The following FLG variants were observed in gnomAD, a reference collection of about 807,000 sequenced individuals.
FLG encodes filaggrin.
A neutral mutation model predicts 3.8 loss-of-function variants in FLG; 6 were observed. That is an observed-to-expected ratio of 1.60 (90% CI 0.87 to 3.15). The LOEUF (loss-of-function observed/expected upper bound fraction) is 3.15. Among genes scored for constraint, FLG ranks in the 30% most tolerant of loss-of-function variants. The pLI, the probability that FLG is intolerant of heterozygous loss-of-function variation, is 0.00. For missense variants in FLG, 7,595 were observed against 5,050.9 expected (o/e 1.50, Z -15.27); for synonymous variants, 2,551 against 1,931.6 (o/e 1.32, Z -8.41).
rs1277310700 is a variant in FLG at position 152,309,053 on chromosome 1, A to G, written c.5833T>C (p.Ser1945Pro). The change falls in exon 3 of 3, where the codon TCT becomes CCT. Residue 1945 changes from serine (S) to proline (P), a missense_variant. Ser to Pro is a moderately conservative substitution (Grantham distance 74). Coordinates refer to ENST00000368799, the MANE Select transcript of FLG (RefSeq NM_002016.2). ...CCATCTCTTGACTGCTCCCAAGCAG[A>G]TCCAAGATGGTTTCTGGAAGCAGAC... The part of the protein sequence containing the change: ...SGSASRNHLG[S>P]AWEQSRDGSR... 1 of 1,614,080 alleles carries G rather than the reference A, an allele frequency of 6.2e-7. No homozygotes were observed. The highest frequency in any genetic ancestry group is 1.7e-5 in the Admixed American group (1 of 60,028).
rs761694075 is a variant in FLG, at chr1:152,312,954, G to A, written c.1932C>T (p.Asn644=). 2.5e-6 allele frequency: 4 copies of A among 1,613,990 alleles called. No individual in the cohort carries two copies. The highest frequency in any genetic ancestry group is 3.4e-6 in the Non-Finnish European group (4 of 1,179,996). The change falls in exon 3 of 3, where the codon AAC becomes AAT. Residue 644 remains asparagine, a synonymous_variant. Transcript: ENST00000368799. The part of the protein sequence containing the change: ...SERWSGSASR[N]HHGSAQEQSR... ...ACTGCTCCTGAGCAGATCCATGATG[G>A]TTTCTGGAAGCAGACCCAGACCACC... is the stretch of plus-strand genomic sequence containing the variant.
chr1:152,308,870 CAT>C lies in FLG; in HGVS notation c.6014_6015del (p.His2005ArgfsTer37), dbSNP rs1314484669. ...EQARSSAGERHGSHHQLQSAD... is the reference protein window; with the variant it reads ...EQARSSAGERXGSHHQLQSAD... ...GCTGACTGGAGCTGGTGGTGGGATC[CAT>C]GTCTTTCTCCTGCACTTGATCTTGC... On this transcript the variant is annotated frameshift_variant, in exon 3 of 3. Transcript: ENST00000368799. LOFTEE classifies it low-confidence loss of function (END_TRUNC). 1 of 1,614,052 alleles carries C rather than the reference CAT, an allele frequency of 6.2e-7. No individual in the cohort carries two copies. Among genetic ancestry groups the C allele is most frequent in the African/African-American group, 1.3e-5 (1 of 74,940 alleles).
chr1:152,310,775 A>C lies in FLG; in HGVS notation c.4111T>G (p.Ser1371Ala), dbSNP rs1208433931. 4 of 1,613,746 alleles carry C rather than the reference A, an allele frequency of 2.5e-6. No individual in the cohort carries two copies. The highest frequency in any genetic ancestry group is 3.4e-6 in the Non-Finnish European group (4 of 1,179,926). Residue 1371 changes from serine to alanine, a missense_variant, in exon 3 of 3, where the codon TCA becomes GCA. Coordinates refer to ENST00000368799, the MANE Select transcript of FLG (RefSeq NM_002016.2). ...HQQSADSSRH[S>A]GIGHRQASSA... ...GAAGCTTGTCTGTGCCCAATGCCTGAGTGTCTGGAGCTGTCTGCTGACTGC... is the reference window on the plus strand; with the variant it reads ...GAAGCTTGTCTGTGCCCAATGCCTGCGTGTCTGGAGCTGTCTGCTGACTGC...
At chr1:152,321,908 T>C (rs952904943) in intron 1 of FLG, among the ~76,000 whole-genome samples, 1 of 151,148 alleles carries the variant, frequency 6.6e-6, no homozygotes, top group Non-Finnish European at 1.5e-5. Context: ...AAGAATATAA[T>C]AGCAGACTGA....
At position 152,311,448 on chromosome 1, in the gene FLG, G is replaced by T. The variant is rs769215947; in HGVS notation, c.3438C>A (p.His1146Gln). The change falls in exon 3 of 3, where the codon CAC becomes CAA. Residue 1146 changes from histidine to glutamine, a missense_variant. By Grantham distance (24) the His-to-Gln change is conservative. Coordinates refer to ENST00000368799, the MANE Select transcript of FLG (RefSeq NM_002016.2). ...TSTGRRQGSHHEQARDSSRHS... is the reference protein window; with the variant it reads ...TSTGRRQGSHQEQARDSSRHS... ...GCCTGGAGCTGTCTCGTGCCTGCTCGTGGTGGGATCCTTGTCTTCGTCCAG... is the reference window on the plus strand; with the variant it reads ...GCCTGGAGCTGTCTCGTGCCTGCTCTTGGTGGGATCCTTGTCTTCGTCCAG... The T allele has an allele frequency of 6.2e-6, 10 of 1,613,710 alleles. No individual in the cohort carries two copies. The highest frequency in any genetic ancestry group is 1.3e-5 in the African/African-American group (1 of 74,830).
In FLG at chr1:152,309,891, C is replaced by T. The variant is rs1307975895; in HGVS notation, c.4995G>A (p.Gln1665=). 1 of 1,614,122 alleles carries T rather than the reference C, an allele frequency of 6.2e-7. No individual in the cohort carries two copies. Among genetic ancestry groups the T allele is most frequent in the South Asian group, 1.1e-5 (1 of 91,072 alleles). ...TTGCCTGTTCCTGGGATGATGCAGC[C>T]TGTCCACCAGAGGAAGTCTCTGCAT... ...TRHAETSSGG[Q]AASSQEQARS... Residue 1665 remains glutamine (Q), a synonymous_variant, in exon 3 of 3, where the codon CAG becomes CAA. Transcript: ENST00000368799.
chr1:152,307,447 T>A lies in FLG; in HGVS notation c.7439A>T (p.Gln2480Leu). 6.2e-7 allele frequency: 1 copy of A among 1,613,206 alleles called. No individual in the cohort carries two copies. The highest frequency in any genetic ancestry group is 1.1e-5 in the South Asian group (1 of 90,996). ...TGAGTGTCCAGATCTATCTACCAAT[T>A]GCTCGTAGTGGGATCCCTGCCTTCC... ...SGGRQGSHYEQLVDRSGHSGS... is the reference protein window; with the variant it reads ...SGGRQGSHYELLVDRSGHSGS... Residue 2480 changes from glutamine (Q) to leucine (L), a missense_variant, in exon 3 of 3, where the codon CAA becomes CTA. Transcript: ENST00000368799.
chr1:152,321,900 G>C (rs933967492), intron 1 of FLG, among the ~76,000 whole-genome samples: 3 of 151,072 alleles, frequency 2.0e-5, no homozygotes, highest in African/African-American at 7.3e-5. Context: ...AACTCTGAAA[G>C]AATATAATAG....
In FLG at chr1:152,311,087, C is replaced by A; in HGVS notation, c.3799G>T (p.Gly1267Ter). ...TCACTGTCCTGGCTAACACTGGATC[C>A]CTGGTGCCTGCTTGTCCTGGACCCC... ...SSGSRTSRHQ[G>*]SSVSQDSDSE... Residue 1267 changes from glycine to a stop codon, truncating the protein, a stop_gained, in exon 3 of 3, where the codon GGA becomes TGA. Coordinates refer to ENST00000368799, the MANE Select transcript of FLG (RefSeq NM_002016.2). LOFTEE classifies it low-confidence loss of function (END_TRUNC). The A allele has an allele frequency of 6.2e-7, 1 of 1,613,874 alleles. No homozygotes were observed. The highest frequency in any genetic ancestry group is 8.5e-7 in the Non-Finnish European group (1 of 1,179,966).
rs767453412 is a variant in FLG, at chr1:152,309,906, A to T, written c.4980T>A (p.Thr1660=). 1 of 1,614,056 alleles carries T rather than the reference A, an allele frequency of 6.2e-7. No homozygotes were observed. Among genetic ancestry groups the T allele is most frequent in the Non-Finnish European group, 8.5e-7 (1 of 1,180,022 alleles). The change falls in exon 3 of 3, where the codon ACT becomes ACA. Residue 1660 remains threonine, a synonymous_variant. Transcript: ENST00000368799. ...SRQSGTRHAE[T]SSGGQAASSQ... ...ATGATGCAGCCTGTCCACCAGAGGA[A>T]GTCTCTGCATGACGAGTGCCTGATT...
chr1:152,313,324 C>T lies in FLG; in HGVS notation c.1562G>A (p.Gly521Glu), dbSNP rs1652594467. Residue 521 changes from glycine (G) to glutamate (E), a missense_variant, in exon 3 of 3, where the codon GGG becomes GAG. Coordinates refer to ENST00000368799, the MANE Select transcript of FLG (RefSeq NM_002016.2). ...TCCCTGCCTTCCTCCTCTGCTTGAC[C>T]CCGGGTGTCCACGAATGGTGTCCTG... ...EGQDTIRGHP[G>E]SSRGGRQGSH... 1 of 1,613,628 alleles carries T rather than the reference C, an allele frequency of 6.2e-7. No homozygotes were observed. Among genetic ancestry groups the T allele is most frequent in the Non-Finnish European group, 8.5e-7 (1 of 1,179,952 alleles).
rs878948702 is a variant in FLG, at chr1:152,305,030, G to A, written c.9856C>T (p.Gln3286Ter). ...GCCTGTTCATGGGATGATGCAGCCTGTCCACCAGAGGAAGTCTCTGCGTGA... is the reference window on the plus strand; with the variant it reads ...GCCTGTTCATGGGATGATGCAGCCTATCCACCAGAGGAAGTCTCTGCGTGA... ...TRHAETSSGG[Q>*]AASSHEQARS... Residue 3286 changes from glutamine to a stop codon, truncating the protein, a stop_gained, in exon 3 of 3, where the codon CAG (glutamine) becomes TAG (stop). Coordinates refer to ENST00000368799, the MANE Select transcript of FLG (RefSeq NM_002016.2). LOFTEE classifies it low-confidence loss of function (END_TRUNC). 1.2e-6 allele frequency: 2 copies of A among 1,613,980 alleles called. No homozygotes were observed. The highest frequency in any genetic ancestry group is 1.1e-5 in the South Asian group (1 of 91,026).
intron 1 of FLG, 38 bp from the exon 2 acceptor site, chr1:152,315,515 C>CT (rs1197589844): frequency 1.6e-5 from 23 of 1,470,910 alleles, no homozygotes; most frequent in Non-Finnish European, 2.1e-5. Context: ...TTTTATACAT[C>CT]TTTTTTTCTA....
rs199768206 is a variant in FLG, at chr1:152,308,117, C to A, written c.6769G>T (p.Glu2257Ter). Reference sequence around the variant, plus strand: ...CTGGACGCAGACCCAGACCGCCTCTCAGAATCTTCTGAGTGTCCCTCACTG... The same window carrying A: ...CTGGACGCAGACCCAGACCGCCTCTAAGAATCTTCTGAGTGTCCCTCACTG... ...SDSEGHSEDSERRSGSASRNH... is the reference protein window; with the variant it reads ...SDSEGHSEDS Residue 2257 changes from glutamate to a stop codon, truncating the protein, a stop_gained, in exon 3 of 3, where the codon GAG becomes TAG. Transcript: ENST00000368799. LOFTEE classifies it low-confidence loss of function (END_TRUNC). The A allele has an allele frequency of 2.8e-5, 45 of 1,613,952 alleles. No homozygotes were observed. Among genetic ancestry groups the A allele is most frequent in the Non-Finnish European group, 3.6e-5 (43 of 1,180,018 alleles).
At position 152,309,776 on chromosome 1, in the gene FLG, A is replaced by T. The variant is rs773467871; in HGVS notation, c.5110T>A (p.Ser1704Thr). Residue 1704 changes from serine (S) to threonine (T), a missense_variant, in exon 3 of 3, where the codon TCT (serine) becomes ACT (threonine). Coordinates refer to ENST00000368799, the MANE Select transcript of FLG (RefSeq NM_002016.2). The part of the protein sequence containing the change: ...DSGTGRRQDS[S>T]VVGDSGNRGS... ...CGGTTTCCACTGTCTCCGACTACAG[A>T]TGAATCTTGTCTGCGCCCAGTGCCT... 3.7e-6 allele frequency: 6 copies of T among 1,613,040 alleles called. No homozygotes were observed. Among genetic ancestry groups the T allele is most frequent in the Middle Eastern group, 1.7e-4 (1 of 6,052 alleles).
chr1:152,308,891 A>C lies in FLG; in HGVS notation c.5995T>G (p.Ser1999Ala). The C allele has an allele frequency of 6.2e-7, 1 of 1,613,938 alleles. No homozygotes were observed. Among genetic ancestry groups the C allele is most frequent in the South Asian group, 1.1e-5 (1 of 91,076 alleles). Residue 1999 changes from serine (S) to alanine (A), a missense_variant, in exon 3 of 3, where the codon TCA (serine) becomes GCA (alanine). Physicochemically the swap from Ser to Ala is moderately conservative, Grantham distance 99. Coordinates refer to ENST00000368799, the MANE Select transcript of FLG (RefSeq NM_002016.2). Reference sequence around the variant, plus strand: ...GATCCATGTCTTTCTCCTGCACTTGATCTTGCCTGTTCATGGGATGACGCA... The same window carrying C: ...GATCCATGTCTTTCTCCTGCACTTGCTCTTGCCTGTTCATGGGATGACGCA... ...QAASSHEQARSSAGERHGSHH... is the reference protein window; with the variant it reads ...QAASSHEQARASAGERHGSHH...
intron 1 of FLG, among the ~76,000 whole-genome samples, chr1:152,319,846 G>C (rs991004696): frequency 7.3e-5 from 11 of 151,462 alleles, no homozygotes; most frequent in African/African-American, 2.7e-4. Context: ...AAGCACAGAG[G>C]AGCAAGAAAG....
Position 152,303,462 on chromosome 1 carries a change from A to G in FLG, c.11424T>C (p.Ser3808=), listed in dbSNP as rs770866094. ...DASHGQSGSR[S]ASRETRNEEQ... ...CCTCATTACGTGTTTCTCTGCTTGC[A>G]CTTCTGGATCCTGACTGCCCATGGG... Residue 3808 remains serine, a synonymous_variant, in exon 3 of 3, where the codon AGT becomes AGC. Coordinates refer to ENST00000368799, the MANE Select transcript of FLG (RefSeq NM_002016.2). 96 of 1,613,730 alleles carry G rather than the reference A, an allele frequency of 5.9e-5. No homozygotes were observed. The Admixed American group carries it at 7.8e-4, about 13-fold the overall frequency.
rs1435837175 is a variant in FLG at position 152,312,775 on chromosome 1, G to A, written c.2111C>T (p.Ala704Val). ...GTGGCGGGATCCATGTCTTTCTCCT[G>A]CACTTGATCTTGCCTGTTCATGGGA... ...ASSHEQARSS[A>V]GERHGSRHQL... Residue 704 changes from alanine (A) to valine (V), a missense_variant, in exon 3 of 3, where the codon GCA becomes GTA. By Grantham distance (64) the Ala-to-Val change is moderately conservative. Transcript: ENST00000368799. The A allele has an allele frequency of 9.3e-6, 15 of 1,614,008 alleles. No individual in the cohort carries two copies. Among genetic ancestry groups the A allele is most frequent in the Non-Finnish European group, 1.2e-5 (14 of 1,180,014 alleles).
Sources: gnomAD v4.1 joint callset for allele counts (sites outside exome capture counted in the v4.1 genomes callset) on GRCh38, gnomAD v4.1.1 for gene constraint, MANE v1.5 for transcripts, NCBI Gene and HGNC (gene_info 2026-07-23, HGNC 2026-07-21) for gene names.